RAI1: variants seen among roughly 807,000 people sequenced by gnomAD.
The protein encoded by RAI1 is retinoic acid-induced protein 1.
RAI1 carries 9 observed loss-of-function variants against 123.8 expected under a neutral mutation model. The observed-to-expected ratio is 0.07, with a 90% CI of 0.04 to 0.13. The LOEUF is 0.13. RAI1 is among the 10% of genes least tolerant of loss of function. RAI1 has a pLI of 1.00. For synonymous variants in RAI1, 1,231 were observed against 1,127.3 expected (o/e 1.09, Z -1.84); for missense variants, 2,256 against 2,545.8 (o/e 0.89, Z 2.45).
chr17:17,738,183 CT>C (rs1433474311), intron 2 of RAI1, among the ~76,000 whole-genome samples: 1 of 151,970 alleles, frequency 6.6e-6, no homozygotes, highest in Non-Finnish European at 1.5e-5. Context: ...GGGCCTCTCC[CT>C]CTGACTCCTG....
At chr17:17,766,476 T>C (rs1421781396) in intron 2 of RAI1, among the ~76,000 whole-genome samples, 1 of 152,226 alleles carries the variant, frequency 6.6e-6, no homozygotes, top group Non-Finnish European at 1.5e-5. Flanking sequence ...ATTAAGGAGC[T>C]GTAAGCTCTT....
intron 1 of RAI1, among the ~76,000 whole-genome samples, chr17:17,704,676 A>C (rs1915337550): frequency 6.6e-6 from 1 of 152,146 alleles, no homozygotes; most frequent in African/African-American, 2.4e-5. Context: ...CATGAGTAGT[A>C]AGTGAAACTC....
At chr17:17,808,337 G>A (rs1381456623) in intron 4 of RAI1, among the ~76,000 whole-genome samples, 1 of 151,854 alleles carries the variant, frequency 6.6e-6, no homozygotes, top group Non-Finnish European at 1.5e-5. Flanking sequence ...TGCCACACAT[G>A]TGCAGGGTGG....
At chr17:17,807,266 T>TGGG (rs2032613325) in intron 4 of RAI1, among the ~76,000 whole-genome samples, 2 of 63,570 alleles carry the variant, frequency 3.1e-5, no homozygotes, top group Non-Finnish European at 3.3e-5. Flanking sequence ...GGCGGGGGGG[T>TGGG]GGGAGTGAGA....
chr17:17,782,488 G>C (rs1197548740), intron 2 of RAI1, among the ~76,000 whole-genome samples: 1 of 151,810 alleles, frequency 6.6e-6, no homozygotes, highest in African/African-American at 2.4e-5. Flanking sequence ...TCTGCACCCG[G>C]TCGGTGGGTG....
chr17:17,713,367 C>T (rs1278135399), intron 1 of RAI1, among the ~76,000 whole-genome samples: 1 of 152,124 alleles, frequency 6.6e-6, no homozygotes, highest in Non-Finnish European at 1.5e-5. Context: ...AGGCCAGCTG[C>T]AGTGGCTCAT....
chr17:17,794,867 C>G lies in RAI1; in HGVS notation c.1919C>G (p.Pro640Arg), dbSNP rs2143002081. The change falls in exon 3 of 6, where the codon CCC (proline) becomes CGC (arginine). Residue 640 changes from proline (P) to arginine (R), a missense_variant. Pro to Arg is a moderately radical substitution (Grantham distance 103). This residue lies in a region of RAI1 where 566 missense variants were observed against 616.0 expected (regional missense o/e 0.92). Coordinates refer to ENST00000353383, the MANE Select transcript of RAI1 (RefSeq NM_030665.4). ...CTGGTCAAGGACAGCAGCAAGCCAC[C>G]CTTCTCGCTGGAGAACCACAGCGCC... ...PSLVKDSSKP[P>R]FSLENHSACL... 1.2e-6 allele frequency: 2 copies of G among 1,613,326 alleles called. No homozygotes were observed. The highest frequency in any genetic ancestry group is 1.7e-6 in the Non-Finnish European group (2 of 1,179,978).
chr17:17,782,698 G>C (rs1040322775), intron 2 of RAI1, among the ~76,000 whole-genome samples: 1 of 151,182 alleles, frequency 6.6e-6, no homozygotes, highest in Non-Finnish European at 1.5e-5. Flanking sequence ...GGAAGGGCGG[G>C]GGCGGGGCTG....
chr17:17,703,433 C>T (rs1915294748), intron 1 of RAI1, among the ~76,000 whole-genome samples: 1 of 152,202 alleles, frequency 6.6e-6, no homozygotes, highest in Admixed American at 6.5e-5. Context: ...GGAAGGGACT[C>T]TCTGAGGGCA....
At position 17,796,871 on chromosome 17, in the gene RAI1, C is replaced by T. The variant is rs749240031; in HGVS notation, c.3923C>T (p.Ala1308Val). Residue 1308 changes from alanine (A) to valine (V), a missense_variant, in exon 3 of 6, where the codon GCA (alanine) becomes GTA (valine). Physicochemically the swap from Ala to Val is moderately conservative, Grantham distance 64. This residue lies in a region of RAI1 where 322 missense variants were observed against 358.0 expected (regional missense o/e 0.90). Coordinates refer to ENST00000353383, the MANE Select transcript of RAI1 (RefSeq NM_030665.4). The surrounding 1 kb of genome is among the most constrained non-coding windows in gnomAD (Gnocchi z 5.8). ...GCCTGCCTCAAGCTCGCCTCTCGGGCAGCCTTCCAGGGGGCCATGAAGACC... is the reference window on the plus strand; with the variant it reads ...GCCTGCCTCAAGCTCGCCTCTCGGGTAGCCTTCCAGGGGGCCATGAAGACC... ...PDACLKLASR[A>V]AFQGAMKTKV... is the part of the protein sequence containing the mutation. 25 of 1,612,978 alleles carry T rather than the reference C, an allele frequency of 1.5e-5. No individual in the cohort carries two copies. Among genetic ancestry groups the T allele is most frequent in the Non-Finnish European group, 2.0e-5 (24 of 1,179,910 alleles).
intron 2 of RAI1, among the ~76,000 whole-genome samples, chr17:17,742,615 C>T (rs1299510320): frequency 3.3e-5 from 5 of 152,144 alleles, no homozygotes; most frequent in Non-Finnish European, 5.9e-5. Flanking sequence ...AATATGCACT[C>T]GTTTTAAAAG....
intron 2 of RAI1, among the ~76,000 whole-genome samples, chr17:17,736,330 G>T (rs1916432492): frequency 6.6e-6 from 1 of 152,134 alleles, no homozygotes; most frequent in African/African-American, 2.4e-5. Flanking sequence ...CCCAAACTCT[G>T]ACCATTCATG....
chr17:17,798,581 G>C (rs1212529709), intron 3 of RAI1, 68 bp downstream of exon 3: 2 of 1,581,298 alleles, frequency 1.3e-6, no homozygotes, highest in African/African-American at 2.7e-5. Context: ...GGCAGTCGGG[G>C]AGCCCCTTGT....
At chr17:17,775,759 G>A (rs193147265) in intron 2 of RAI1, among the ~76,000 whole-genome samples, 1 of 152,254 alleles carries the variant, frequency 6.6e-6, no homozygotes, top group East Asian at 1.9e-4. Context: ...GGTGGTGGAG[G>A]GGGAGGCAGG....
In RAI1 at chr17:17,755,334, C is replaced by T. The variant is rs144843903; in HGVS notation, c.-17+31175C>T. On this transcript the variant is annotated intron_variant, in intron 2 of 5. Transcript: ENST00000353383. ...AGCTTTGCTCCCTGGGTGGATGGGG[C>T]GGGAGTGATGCAGAAAGGAGAGGTG... 2.0e-3 allele frequency among the ~76,000 whole-genome samples: 298 copies of T among 152,250 alleles called. 2 individuals carry two copies. Among genetic ancestry groups the T allele is most frequent in the African/African-American group, 6.9e-3 (286 of 41,534 alleles).
At position 17,800,196 on chromosome 17, in the gene RAI1, C is replaced by G. The variant is rs796701546; in HGVS notation, c.5565+1683C>G. On this transcript the variant is annotated intron_variant, in intron 3 of 5. Coordinates refer to ENST00000353383, the MANE Select transcript of RAI1 (RefSeq NM_030665.4). This position sits in a 1 kb window ranked among gnomAD's most constrained non-coding sequence, Gnocchi z 4.7. Reference sequence around the variant, plus strand: ...TCTCTCTCTGTCTCTCTCTCTCTCTCTCTCTCTCTCTCTCTCTCTCTCTCT... The same window carrying G: ...TCTCTCTCTGTCTCTCTCTCTCTCTGTCTCTCTCTCTCTCTCTCTCTCTCT... Among the ~76,000 whole-genome samples the G allele has an allele frequency of 0.31, 40,177 of 129,102 alleles. 7,474 individuals are homozygous for G. Among genetic ancestry groups the G allele is most frequent in the East Asian group, 0.76 (3,648 of 4,780 alleles). The allele number at this position is 129,102 out of a possible 152,430, so 84.7% of individuals were successfully genotyped here. A position where few individuals can be genotyped will look rare whatever the true frequency, so the allele number is the denominator to read the frequency against.
At chr17:17,733,769 C>T (rs755106600) in intron 2 of RAI1, among the ~76,000 whole-genome samples, 2 of 152,124 alleles carry the variant, frequency 1.3e-5, no homozygotes, top group East Asian at 1.9e-4. Flanking sequence ...TCCATGTTCT[C>T]GTACATAACC....
chr17:17,735,133 A>G (rs1425515736), intron 2 of RAI1, among the ~76,000 whole-genome samples: 2 of 151,376 alleles, frequency 1.3e-5, no homozygotes, highest in Non-Finnish European at 2.9e-5. Flanking sequence ...GCTCACTGCA[A>G]CCTCTGCCTC....
intron 2 of RAI1, among the ~76,000 whole-genome samples, chr17:17,739,924 C>A (rs1916565101): frequency 6.6e-6 from 1 of 152,198 alleles, no homozygotes; most frequent in South Asian, 2.1e-4. Context: ...GCCCTTCCCC[C>A]AAGCACATAC....
Sources: gnomAD v4.1 joint callset for allele counts (sites outside exome capture counted in the v4.1 genomes callset) on GRCh38, gnomAD v4.1.1 for gene constraint, gnomAD v4.1.1 regional missense constraint, Gnocchi (gnomAD v3.1) non-coding constraint, MANE v1.5 for transcripts, NCBI Gene and HGNC (gene_info 2026-07-23, HGNC 2026-07-21) for gene names.